KLHL1: variants seen among roughly 807,000 people sequenced by gnomAD.
The protein encoded by KLHL1 is kelch like family member 1.
KLHL1 carries 47 observed loss-of-function variants against 77.7 expected under a neutral mutation model. That is an observed-to-expected ratio of 0.60 (90% CI 0.48 to 0.77). The LOEUF is 0.77. Ranked by LOEUF, KLHL1 falls within the 30% of genes least tolerant of loss-of-function variation. KLHL1 has a pLI of 0.00. For synonymous variants in KLHL1, 360 were observed against 325.2 expected (o/e 1.11, Z -1.15); for missense variants, 925 against 910.8 (o/e 1.02, Z -0.20).
At chr13:69,901,873 A>G (rs1466651236) in intron 4 of KLHL1, among the ~76,000 whole-genome samples, 3 of 149,802 alleles carry the variant, frequency 2.0e-5, no homozygotes, top group Non-Finnish European at 4.4e-5. Context: ...TCTTGGCTCA[A>G]TGCAACCTCT....
chr13:70,081,314 T>A (rs973929061), intron 1 of KLHL1, among the ~76,000 whole-genome samples: 1 of 152,238 alleles, frequency 6.6e-6, no homozygotes, highest in East Asian at 1.9e-4. Flanking sequence ...CGGGTTTTTT[T>A]AAGCCAGAAG....
intron 5 of KLHL1, among the ~76,000 whole-genome samples, chr13:69,874,017 A>AC (rs1225781382): frequency 6.6e-6 from 1 of 152,168 alleles, no homozygotes; most frequent in East Asian, 1.9e-4. Flanking sequence ...ATGATGGGTG[A>AC]CCACCTTCTA....
rs367949267 is a variant in KLHL1 at position 69,981,037 on chromosome 13, A to C, written c.498-5235T>G. Among the ~76,000 whole-genome samples the C allele has an allele frequency of 1.4e-4, 22 of 152,296 alleles. No homozygotes were observed. The East Asian group carries it at 2.7e-3, about 19-fold the overall frequency. ...ACAAGCAATAGAATTTATATCCCAA[A>C]ACCTAACAGAATGCCTGGCACACAG... On this transcript the variant is annotated intron_variant, in intron 1 of 10. Transcript: ENST00000377844.
chr13:69,707,326 C>T (rs1480212943), intron 10 of KLHL1, among the ~76,000 whole-genome samples: 1 of 151,942 alleles, frequency 6.6e-6, no homozygotes, highest in African/African-American at 2.4e-5. Context: ...CAATATATTA[C>T]ACTTTTATTT....
chr13:69,907,599 TG>T (rs1234623330), intron 4 of KLHL1, among the ~76,000 whole-genome samples: 1 of 151,956 alleles, frequency 6.6e-6, no homozygotes, highest in Non-Finnish European at 1.5e-5. Flanking sequence ...AACTGCAATA[TG>T]GGTAATACAA....
At chr13:70,070,171 G>C (rs1265760968) in intron 1 of KLHL1, among the ~76,000 whole-genome samples, 2 of 151,024 alleles carry the variant, frequency 1.3e-5, no homozygotes, top group African/African-American at 4.9e-5. Context: ...AAAAGAAGCA[G>C]AAGAAATAAT....
intron 1 of KLHL1, among the ~76,000 whole-genome samples, chr13:70,103,161 C>A (rs1450209022): frequency 1.3e-5 from 2 of 151,938 alleles, no homozygotes; most frequent in African/African-American, 2.4e-5. Flanking sequence ...TAGGGATGAA[C>A]TCAGGAAGGG....
intron 4 of KLHL1, among the ~76,000 whole-genome samples, chr13:69,918,746 T>TA (rs942548205): frequency 8.5e-5 from 13 of 152,190 alleles, no homozygotes; most frequent in African/African-American, 3.1e-4. Context: ...TTCAAATCCT[T>TA]GTTCTTCCTA....
At chr13:69,790,933 A>C (rs1714925569) in intron 7 of KLHL1, among the ~76,000 whole-genome samples, 1 of 152,102 alleles carries the variant, frequency 6.6e-6, no homozygotes, top group Admixed American at 6.6e-5. Context: ...TAGGAATATA[A>C]GGGACCTTTC....
At chr13:69,797,094 A>G in intron 6 of KLHL1, 132 bp from the exon 7 acceptor site, 2 of 684,902 alleles carry the variant, frequency 2.9e-6, no homozygotes, top group Non-Finnish European at 5.0e-6. Flanking sequence ...AAGTGGCAGA[A>G]AAACAAAAGG....
At chr13:69,753,685 T>A (rs1380960289) in intron 7 of KLHL1, among the ~76,000 whole-genome samples, 2 of 152,146 alleles carry the variant, frequency 1.3e-5, no homozygotes, top group African/African-American at 4.8e-5. Flanking sequence ...AAAAATTCAG[T>A]AGGTGTAATG....
chr13:69,761,421 C>T (rs1284128184), intron 7 of KLHL1, among the ~76,000 whole-genome samples: 1 of 152,056 alleles, frequency 6.6e-6, no homozygotes, highest in Non-Finnish European at 1.5e-5. Context: ...TTACAGTTTA[C>T]TAGGTATGAT....
intron 1 of KLHL1, among the ~76,000 whole-genome samples, chr13:69,984,539 G>T (rs1033720022): frequency 2.0e-5 from 3 of 152,076 alleles, no homozygotes; most frequent in Non-Finnish European, 4.4e-5. Flanking sequence ...GTCACACCTG[G>T]TCCAACCAAT....
chr13:69,928,519 C>G (rs552737993), intron 4 of KLHL1, among the ~76,000 whole-genome samples: 49 of 152,280 alleles, frequency 3.2e-4, no homozygotes, highest in African/African-American at 9.6e-4. Flanking sequence ...GTGTAAACAA[C>G]TCAAATGTCC....
intron 4 of KLHL1, among the ~76,000 whole-genome samples, chr13:69,893,737 G>T (rs1881523268): frequency 6.6e-6 from 1 of 152,096 alleles, no homozygotes; most frequent in South Asian, 2.1e-4. Flanking sequence ...AAGGACTGAA[G>T]TTCATACCTC....
At chr13:69,712,925 T>G (rs1875948630) in intron 9 of KLHL1, among the ~76,000 whole-genome samples, 1 of 151,930 alleles carries the variant, frequency 6.6e-6, no homozygotes, top group Admixed American at 6.6e-5. Flanking sequence ...ACCTTCCACC[T>G]TAACCTCCAG....
chr13:69,702,257 G>C (rs1308626807), intron 10 of KLHL1, among the ~76,000 whole-genome samples: 2 of 151,544 alleles, frequency 1.3e-5, no homozygotes, highest in Non-Finnish European at 3.0e-5. Context: ...TCATAAATAG[G>C]CCATAATTAT....
At chr13:69,958,447 A>G (rs199969524) in intron 3 of KLHL1, among the ~76,000 whole-genome samples, 7,298 of 148,932 alleles carry the variant, frequency 0.049, 238 homozygotes, top group African/African-American at 0.1. Context: ...TTATTTTTTC[A>G]AAGATTATAA....
At chr13:69,929,055 G>A (rs142845627) in intron 4 of KLHL1, among the ~76,000 whole-genome samples, 1 of 151,954 alleles carries the variant, frequency 6.6e-6, no homozygotes, top group African/African-American at 2.4e-5. Flanking sequence ...ATGACAAGAC[G>A]GCACTTATCA....
Sources: allele counts gnomAD v4.1 joint callset (sites outside exome capture counted in the v4.1 genomes callset), GRCh38; gene constraint gnomAD v4.1.1; transcripts MANE v1.5; gene names NCBI Gene and HGNC (gene_info 2026-07-23, HGNC 2026-07-21).